The following KCTD8 variants were observed in gnomAD, a reference collection of about 807,000 sequenced individuals.
KCTD8 encodes the protein BTB/POZ domain-containing protein KCTD8.
In KCTD8, 27 loss-of-function variants were observed where a neutral mutation model predicts 31.5. The ratio of observed to expected loss-of-function variants is 0.86; its 90% CI spans 0.63 to 1.18. The LOEUF (loss-of-function observed/expected upper bound fraction) is 1.18. Ranked by LOEUF, KCTD8 falls within the 50% of genes most tolerant of loss-of-function variation. The pLI, the probability that KCTD8 is intolerant of heterozygous loss-of-function variation, is 0.00. For synonymous variants in KCTD8, 290 were observed against 280.0 expected (o/e 1.04, Z -0.36); for missense variants, 658 against 647.7 (o/e 1.02, Z -0.17).
At chr4:44,175,295 A>T in intron 1 of KCTD8, 45 bp from the exon 2 acceptor site, 6 of 1,141,256 alleles carry the variant, frequency 5.3e-6, no homozygotes, top group Non-Finnish European at 7.4e-6. Flanking sequence ...ACAGTTGAAT[A>T]AGAAGTGTGA....
At chr4:44,333,260 A>G (rs1459757567) in intron 1 of KCTD8, among the ~76,000 whole-genome samples, 2 of 152,116 alleles carry the variant, frequency 1.3e-5, no homozygotes, top group Admixed American at 1.3e-4. Flanking sequence ...GAAAGATGTC[A>G]GCCTATAATG....
chr4:44,204,391 A>C (rs1168603735), intron 1 of KCTD8, among the ~76,000 whole-genome samples: 1 of 152,192 alleles, frequency 6.6e-6, no homozygotes, highest in Non-Finnish European at 1.5e-5. Flanking sequence ...CCCCTGATCT[A>C]ATCGGTTATG....
intron 1 of KCTD8, among the ~76,000 whole-genome samples, chr4:44,391,609 C>G (rs1483590580): frequency 1.3e-5 from 2 of 151,356 alleles, no homozygotes; most frequent in Non-Finnish European, 2.9e-5. Context: ...ATATAAAATA[C>G]ATATAACATA....
intron 1 of KCTD8, among the ~76,000 whole-genome samples, chr4:44,319,237 G>C (rs373261966): frequency 5.4e-4 from 82 of 152,284 alleles, no homozygotes; most frequent in African/African-American, 1.9e-3. Context: ...TCATTGTTTT[G>C]TAGTGACACA....
chr4:44,368,061 G>A (rs1418314911), intron 1 of KCTD8, among the ~76,000 whole-genome samples: 1 of 152,126 alleles, frequency 6.6e-6, no homozygotes, highest in Non-Finnish European at 1.5e-5. Context: ...AGTTTCTTCA[G>A]TGTCTGGTTT....
At chr4:44,231,029 T>G (rs1209369655) in intron 1 of KCTD8, among the ~76,000 whole-genome samples, 1 of 152,082 alleles carries the variant, frequency 6.6e-6, no homozygotes, top group Non-Finnish European at 1.5e-5. Flanking sequence ...ATTCTATGAG[T>G]TTGTTTAGTG....
chr4:44,447,556 A>G lies in KCTD8; in HGVS notation c.961+7T>C. ...GGTGCTGGGAAACGCCGGGGCTGCG[A>G]ACTTACGGAAGAAAATGTACTCGGT... is the stretch of plus-strand genomic sequence containing the variant. On this transcript the variant is annotated splice_region_variant and intron_variant, in intron 1 of 1. Coordinates refer to ENST00000360029, the MANE Select transcript of KCTD8 (RefSeq NM_198353.3). 1 of 1,544,314 alleles carries G rather than the reference A, an allele frequency of 6.5e-7. No homozygotes were observed. The highest frequency in any genetic ancestry group is 8.8e-7 in the Non-Finnish European group (1 of 1,139,920).
chr4:44,224,233 C>T (rs778678420), intron 1 of KCTD8, among the ~76,000 whole-genome samples: 8 of 152,180 alleles, frequency 5.3e-5, no homozygotes, highest in Non-Finnish European at 1.5e-5. Context: ...TATTCTGGTA[C>T]TCAAAAGCCT....
chr4:44,433,967 G>T (rs970533016), intron 1 of KCTD8, among the ~76,000 whole-genome samples: 2 of 151,782 alleles, frequency 1.3e-5, no homozygotes, highest in African/African-American at 4.8e-5. Context: ...TGCCACAGTT[G>T]CTTTTTGAAA....
intron 1 of KCTD8, among the ~76,000 whole-genome samples, chr4:44,431,930 G>T (rs1220942949): frequency 6.6e-6 from 1 of 151,538 alleles, no homozygotes; most frequent in Non-Finnish European, 1.5e-5. Context: ...GAATATAAGA[G>T]CATGGGCTTC....
chr4:44,343,830 T>A (rs2109419975), intron 1 of KCTD8, among the ~76,000 whole-genome samples: 1 of 152,228 alleles, frequency 6.6e-6, no homozygotes, highest in South Asian at 2.1e-4. Context: ...CTGATCACAT[T>A]ACAGGGTTTT....
At chr4:44,191,112 A>G (rs549165413) in intron 1 of KCTD8, among the ~76,000 whole-genome samples, 1 of 152,346 alleles carries the variant, frequency 6.6e-6, no homozygotes, top group East Asian at 1.9e-4. Context: ...CCTAAAATTA[A>G]TACTTTTGTA....
At position 44,447,132 on chromosome 4, in the gene KCTD8, G is replaced by A. The variant is rs865863370; in HGVS notation, c.961+431C>T. Among the ~76,000 whole-genome samples the A allele has an allele frequency of 2.0e-4, 30 of 152,224 alleles. 1 individual carries two copies. Among genetic ancestry groups the A allele is most frequent in the African/African-American group, 5.8e-4 (24 of 41,470 alleles). Reference sequence around the variant, plus strand: ...GCCTTGTTATGGCATCCTGCCCTCTGCAGGGACACCACTGAGGGCCACATG... The same window carrying A: ...GCCTTGTTATGGCATCCTGCCCTCTACAGGGACACCACTGAGGGCCACATG... On this transcript the variant is annotated intron_variant, in intron 1 of 1. Transcript: ENST00000360029.
chr4:44,264,525 A>G (rs956991501), intron 1 of KCTD8, among the ~76,000 whole-genome samples: 1 of 152,162 alleles, frequency 6.6e-6, no homozygotes, highest in Non-Finnish European at 1.5e-5. Context: ...GGAGTGCCAG[A>G]CAGTGGGCGC....
intron 1 of KCTD8, among the ~76,000 whole-genome samples, chr4:44,346,865 T>C (rs1201721198): frequency 6.6e-6 from 1 of 152,176 alleles, no homozygotes; most frequent in Non-Finnish European, 1.5e-5. Context: ...TTATAAACCA[T>C]GAACACAAAA....
chr4:44,212,300 C>T (rs1714512332), intron 1 of KCTD8, among the ~76,000 whole-genome samples: 1 of 152,148 alleles, frequency 6.6e-6, no homozygotes, highest in South Asian at 2.1e-4. Flanking sequence ...AAGACTTTAC[C>T]ATTGGAAGAA....
Position 44,350,059 on chromosome 4 carries a change from A to C in KCTD8, c.961+97504T>G, listed in dbSNP as rs76093335. 9.6e-4 allele frequency among the ~76,000 whole-genome samples: 146 copies of C among 152,320 alleles called. 4 individuals are homozygous for C. The East Asian group carries it at 0.027, about 28-fold the overall frequency. The stretch of plus-strand genomic sequence containing the variant: ...TTAGCAAAATAAGAATATCTGGTAT[A>C]GATTTTGCAAATGTTTACTGAGATA... On this transcript the variant is annotated intron_variant, in intron 1 of 1. Coordinates refer to ENST00000360029, the MANE Select transcript of KCTD8 (RefSeq NM_198353.3).
chr4:44,374,826 A>G (rs568927411), intron 1 of KCTD8, among the ~76,000 whole-genome samples: 1 of 152,296 alleles, frequency 6.6e-6, no homozygotes, highest in Admixed American at 6.5e-5. Flanking sequence ...AACATCAAAG[A>G]TAACTGATCA....
chr4:44,233,891 T>C (rs1715197606), intron 1 of KCTD8, among the ~76,000 whole-genome samples: 1 of 152,158 alleles, frequency 6.6e-6, no homozygotes, highest in South Asian at 2.1e-4. Context: ...TTTTAAACAA[T>C]TTACTATTCA....
Sources: gnomAD v4.1 joint callset for allele counts (sites outside exome capture counted in the v4.1 genomes callset) on GRCh38, gnomAD v4.1.1 for gene constraint, MANE v1.5 for transcripts, NCBI Gene and HGNC (gene_info 2026-07-23, HGNC 2026-07-21) for gene names.